Variants in PGK2 observed in about 807,000 individuals in gnomAD.
PGK2 encodes the protein phosphoglycerate kinase 2.
In PGK2, 5 loss-of-function variants were observed where a neutral mutation model predicts 5.2. The observed-to-expected ratio is 0.96, with a 90% CI of 0.50 to 2.01. PGK2 has a LOEUF of 2.01. Ranked by LOEUF, PGK2 falls within the 30% of genes most tolerant of loss-of-function variation. The pLI is 0.01. For missense variants in PGK2, 588 were observed against 506.8 expected, an observed-to-expected ratio of 1.16 and a Z score of -1.54; for synonymous variants, 210 against 182.6, an observed-to-expected ratio of 1.15 and a Z score of -1.21.
rs1483177595 is a variant in PGK2 at position 49,786,239 on chromosome 6, C to A, written c.949G>T (p.Gly317Cys). The change falls in exon 1 of 1, where the codon GGT becomes TGT. Residue 317 changes from glycine (G) to cysteine (C), a missense_variant. Transcript: ENST00000304801. The stretch of plus-strand genomic sequence containing the variant: ...GCATGATTCTTGTTGCTCTCAGGAC[C>A]ACAGTCCAAACCCATCCAGCCAGGA... ...ISPGWMGLDC[G>C]PESNKNHAQV... 1.9e-6 allele frequency: 3 copies of A among 1,614,162 alleles called. No homozygotes were observed. Among genetic ancestry groups the A allele is most frequent in the South Asian group, 2.2e-5 (2 of 91,072 alleles).
chr6:49,786,148 GCATCC>G lies in PGK2; in HGVS notation c.1035_1039del (p.Trp345CysfsTer4), dbSNP rs1769901311. On this transcript the variant is annotated frameshift_variant, in exon 1 of 1. Transcript: ENST00000304801. LOFTEE classifies it high-confidence loss of function. Reference sequence around the variant, plus strand: ...GAGGGCTTTGGTTCCCTTAGCAAAGGCATCCCATTCAAATACTCCTAACGGCCCAT... The same window carrying G: ...GAGGGCTTTGGTTCCCTTAGCAAAGGCATTCAAATACTCCTAACGGCCCAT... 6.2e-7 allele frequency: 1 copy of G among 1,613,874 alleles called. No individual in the cohort carries two copies. The highest frequency in any genetic ancestry group is 1.7e-5 in the Admixed American group (1 of 59,976).
chr6:49,787,285 T>C lies in PGK2; in HGVS notation c.-98A>G, dbSNP rs891862639. ...GGTCGGTGGTGACTTCTAACGCCTT[T>C]GCCCTTGTCCCGCCCCTTTCTTCTC... is the stretch of plus-strand genomic sequence containing the variant. On this transcript the variant is annotated 5_prime_UTR_variant, in exon 1 of 1. Coordinates refer to ENST00000304801, the MANE Select transcript of PGK2 (RefSeq NM_138733.5). The C allele has an allele frequency of 1.2e-4, 101 of 808,482 alleles. No individual in the cohort carries two copies. The Admixed American group carries it at 2.3e-3, about 19-fold the overall frequency. 50.1% of individuals were successfully genotyped at this position (808,482 alleles called of 1,614,324 possible).
chr6:49,787,218 T>A lies in PGK2; in HGVS notation c.-31A>T, dbSNP rs779290554. ...CAATATAAAGACATAGGCTGACACC[T>A]GGATCTTAATGCTGAAGAACCAACT... is the stretch of plus-strand genomic sequence containing the variant. On this transcript the variant is annotated 5_prime_UTR_variant, in exon 1 of 1. Coordinates refer to ENST00000304801, the MANE Select transcript of PGK2 (RefSeq NM_138733.5). 2.1e-5 allele frequency: 32 copies of A among 1,549,246 alleles called. No individual in the cohort carries two copies. The Middle Eastern group carries it at 8.7e-4, about 42-fold the overall frequency.
In PGK2 at chr6:49,785,898, A is replaced by C. The variant is rs1769896048; in HGVS notation, c.*36T>G. On this transcript the variant is annotated 3_prime_UTR_variant, in exon 1 of 1. Transcript: ENST00000304801. The stretch of plus-strand genomic sequence containing the variant: ...AAAGCATTAAGCTGACTTAAGGGCC[A>C]TGGACAGAAAACAGAAGGAAGTAAC... 6.4e-7 allele frequency: 1 copy of C among 1,562,808 alleles called. No individual in the cohort carries two copies. Among genetic ancestry groups the C allele is most frequent in the East Asian group, 2.2e-5 (1 of 44,554 alleles).
rs757119246 is a variant in PGK2, at chr6:49,785,992, C to G, written c.1196G>C (p.Ser399Thr). The change falls in exon 1 of 1, where the codon AGT becomes ACT. Residue 399 changes from serine to threonine, a missense_variant. Physicochemically the swap from Ser to Thr is moderately conservative, Grantham distance 58 (BLOSUM62 1). Transcript: ENST00000304801. ...GATTTTACCTTCCAGAAGCTCTAGA[C>G]TGGCACCGCCTCCAGTGCTGACATG... Reference protein sequence around the residue: ...VSHVSTGGGASLELLEGKILP... With the variant: ...VSHVSTGGGATLELLEGKILP... The G allele has an allele frequency of 1.2e-6, 2 of 1,614,134 alleles. No individual in the cohort carries two copies. Among genetic ancestry groups the G allele is most frequent in the Non-Finnish European group, 1.7e-6 (2 of 1,179,990 alleles).
Position 49,786,894 on chromosome 6 carries a change from G to A in PGK2, c.294C>T (p.Asp98=), listed in dbSNP as rs1468989798. 1.2e-6 allele frequency: 2 copies of A among 1,614,094 alleles called. No homozygotes were observed. Among genetic ancestry groups the A allele is most frequent in the Non-Finnish European group, 1.7e-6 (2 of 1,180,022 alleles). ...CTTTCTCCACTTCTGCGCCTACACA[G>A]TCCTTCAGGAACAGAACATCCTTGC... The part of the protein sequence containing the change: ...LLGKDVLFLK[D]CVGAEVEKAC... The change falls in exon 1 of 1, where the codon GAC becomes GAT. Residue 98 remains aspartate, a synonymous_variant. Transcript: ENST00000304801.
Position 49,785,862 on chromosome 6 carries a change from A to G in PGK2, c.*72T>C. On this transcript the variant is annotated 3_prime_UTR_variant, in exon 1 of 1. Coordinates refer to ENST00000304801, the MANE Select transcript of PGK2 (RefSeq NM_138733.5). ...AGGAGTAGATTTTAACAAAAGTCACATCGAGATGTAAAAGCATTAAGCTGA... is the reference window on the plus strand; with the variant it reads ...AGGAGTAGATTTTAACAAAAGTCACGTCGAGATGTAAAAGCATTAAGCTGA... The G allele has an allele frequency of 7.1e-6, 9 of 1,261,262 alleles. No individual in the cohort carries two copies. The highest frequency in any genetic ancestry group is 1.0e-5 in the Non-Finnish European group (9 of 889,112). 78.1% of individuals were successfully genotyped at this position (1,261,262 alleles called of 1,614,324 possible).
chr6:49,786,388 T>C lies in PGK2; in HGVS notation c.800A>G (p.Lys267Arg). 7.4e-6 allele frequency: 12 copies of C among 1,614,102 alleles called. No individual in the cohort carries two copies. Among genetic ancestry groups the C allele is most frequent in the Non-Finnish European group, 1.0e-5 (12 of 1,179,968 alleles). Residue 267 changes from lysine (K) to arginine (R), a missense_variant, in exon 1 of 1, where the codon AAA becomes AGA. Transcript: ENST00000304801. ...CTTTTGTGCTTTGGCCATGATATCTTTAACGATCTTGGCTCCCTCTTCATC... is the reference window on the plus strand; with the variant it reads ...CTTTTGTGCTTTGGCCATGATATCTCTAACGATCTTGGCTCCCTCTTCATC... The part of the protein sequence containing the change: ...LFDEEGAKIV[K>R]DIMAKAQKNG...
chr6:49,786,225 G>A lies in PGK2; in HGVS notation c.963C>T (p.Asn321=), dbSNP rs1362772298. The change falls in exon 1 of 1, where the codon AAC becomes AAT. Residue 321 remains asparagine (N), a synonymous_variant. Coordinates refer to ENST00000304801, the MANE Select transcript of PGK2 (RefSeq NM_138733.5). ...WMGLDCGPES[N]KNHAQVVAQA... ...GAGCCACAACTTGAGCATGATTCTT[G>A]TTGCTCTCAGGACCACAGTCCAAAC... The A allele has an allele frequency of 6.2e-7, 1 of 1,614,120 alleles. No homozygotes were observed. Among genetic ancestry groups the A allele is most frequent in the Admixed American group, 1.7e-5 (1 of 60,010 alleles).
At position 49,786,481 on chromosome 6, in the gene PGK2, A is replaced by G. The variant is rs1561922236; in HGVS notation, c.707T>C (p.Ile236Thr). 6.2e-7 allele frequency: 1 copy of G among 1,614,126 alleles called. No homozygotes were observed. The highest frequency in any genetic ancestry group is 8.5e-7 in the Non-Finnish European group (1 of 1,180,002). Residue 236 changes from isoleucine (I) to threonine (T), a missense_variant, in exon 1 of 1, where the codon ATT becomes ACT. Transcript: ENST00000304801. ...GAAGGTATAAGCCATTCCACCACCA[A>G]TAATCATCTCATTGACTTTGTCCAG... is the stretch of plus-strand genomic sequence containing the variant. ...NMLDKVNEMI[I>T]GGGMAYTFLK... is the part of the protein sequence containing the mutation.
Position 49,786,458 on chromosome 6 carries a change from A to AGG in PGK2, c.728_729dup (p.Phe244ProfsTer36), listed in dbSNP as rs751412752. On this transcript the variant is annotated frameshift_variant, in exon 1 of 1. Coordinates refer to ENST00000304801, the MANE Select transcript of PGK2 (RefSeq NM_138733.5). LOFTEE classifies it low-confidence loss of function (END_TRUNC). ...TCCATGTTGTTGAGTACCTTAAGGA[A>AGG]GGTATAAGCCATTCCACCACCAATA... The AGG allele has an allele frequency of 3.7e-6, 6 of 1,614,178 alleles. No homozygotes were observed. The highest frequency in any genetic ancestry group is 1.6e-4 in the Middle Eastern group (1 of 6,062).
Position 49,787,228 on chromosome 6 carries a change from T to C in PGK2, c.-41A>G. 6.6e-7 allele frequency: 1 copy of C among 1,505,286 alleles called. No homozygotes were observed. Among genetic ancestry groups the C allele is most frequent in the Non-Finnish European group, 9.1e-7 (1 of 1,096,474 alleles). The allele number at this position is 1,505,286 out of a possible 1,614,324, so 93.2% of individuals were successfully genotyped here. A position where few individuals can be genotyped will look rare whatever the true frequency, so the allele number is the denominator to read the frequency against. The stretch of plus-strand genomic sequence containing the variant: ...ACATAGGCTGACACCTGGATCTTAA[T>C]GCTGAAGAACCAACTTGCTGTTGAG... On this transcript the variant is annotated 5_prime_UTR_variant, in exon 1 of 1. Transcript: ENST00000304801.
rs756369568 is a variant in PGK2, at chr6:49,786,214, G to A, written c.974C>T (p.Ala325Val). ...DCGPESNKNH[A>V]QVVAQARLIV... ...TAGCCTTGCTTGAGCCACAACTTGA[G>A]CATGATTCTTGTTGCTCTCAGGACC... Residue 325 changes from alanine to valine, a missense_variant, in exon 1 of 1, where the codon GCT becomes GTT. Transcript: ENST00000304801. 3.1e-6 allele frequency: 5 copies of A among 1,614,128 alleles called. No homozygotes were observed. The highest frequency in any genetic ancestry group is 4.2e-6 in the Non-Finnish European group (5 of 1,180,026).
rs201510519 is a variant in PGK2 at position 49,786,350 on chromosome 6, T to C, written c.838A>G (p.Ile280Val). The C allele has an allele frequency of 2.5e-6, 4 of 1,614,146 alleles. No homozygotes were observed. In the East Asian group the frequency reaches 6.7e-5, roughly 27 times the overall value. ...GTAACAAAATCAACAGGAAAAGTAA[T>C]CCTTACACCATTCTTTTGTGCTTTG... is the stretch of plus-strand genomic sequence containing the variant. ...MAKAQKNGVR[I>V]TFPVDFVTGD... is the part of the protein sequence containing the mutation. The change falls in exon 1 of 1, where the codon ATT (isoleucine) becomes GTT (valine). Residue 280 changes from isoleucine (I) to valine (V), a missense_variant. Coordinates refer to ENST00000304801, the MANE Select transcript of PGK2 (RefSeq NM_138733.5).
At position 49,786,515 on chromosome 6, in the gene PGK2, T is replaced by C. The variant is rs1769910073; in HGVS notation, c.673A>G (p.Lys225Glu). The change falls in exon 1 of 1, where the codon AAA becomes GAA. Residue 225 changes from lysine to glutamate, a missense_variant. Physicochemically the swap from Lys to Glu is moderately conservative, Grantham distance 56 (BLOSUM62 1). Coordinates refer to ENST00000304801, the MANE Select transcript of PGK2 (RefSeq NM_138733.5). ...TCATTGACTTTGTCCAGCATATTTT[T>C]GATAAGTTGGATCTTGTCTGCCACT... ...AKVADKIQLI[K>E]NMLDKVNEMI... 4 of 1,614,154 alleles carry C rather than the reference T, an allele frequency of 2.5e-6. No individual in the cohort carries two copies. Among genetic ancestry groups the C allele is most frequent in the Non-Finnish European group, 3.4e-6 (4 of 1,180,008 alleles).
In PGK2 at chr6:49,785,977, T is replaced by C; in HGVS notation, c.1211A>G (p.Glu404Gly). The change falls in exon 1 of 1, where the codon GAA becomes GGA. Residue 404 changes from glutamate (E) to glycine (G), a missense_variant. Physicochemically the swap from Glu to Gly is moderately conservative, Grantham distance 98. Transcript: ENST00000304801. ...CTCTACTCCAGGAAGGATTTTACCT[T>C]CCAGAAGCTCTAGACTGGCACCGCC... is the stretch of plus-strand genomic sequence containing the variant. The part of the protein sequence containing the change: ...TGGGASLELL[E>G]GKILPGVEAL... 3 of 1,614,100 alleles carry C rather than the reference T, an allele frequency of 1.9e-6. No homozygotes were observed. The highest frequency in any genetic ancestry group is 2.5e-6 in the Non-Finnish European group (3 of 1,179,984).
At position 49,787,084 on chromosome 6, in the gene PGK2, G is replaced by A. The variant is rs539769229; in HGVS notation, c.104C>T (p.Thr35Ile). The A allele has an allele frequency of 2.4e-5, 39 of 1,614,010 alleles. 1 individual carries two copies. The South Asian group carries it at 4.1e-4, about 17-fold the overall frequency. Residue 35 changes from threonine to isoleucine, a missense_variant, in exon 1 of 1, where the codon ACA becomes ATA. Thr to Ile is a moderately conservative substitution (Grantham distance 89). Transcript: ENST00000304801. ...GGAAGCCTTGATCCTCTGGTTGTTT[G>A]TAATCTGGTTCTTCTTCATGGGAAC... is the stretch of plus-strand genomic sequence containing the variant. ...FNVPMKKNQI[T>I]NNQRIKASIP...
chr6:49,786,849 A>G lies in PGK2; in HGVS notation c.339T>C (p.Pro113=). The G allele has an allele frequency of 6.2e-7, 1 of 1,614,172 alleles. No homozygotes were observed. The highest frequency in any genetic ancestry group is 8.5e-7 in the Non-Finnish European group (1 of 1,180,014). The change falls in exon 1 of 1, where the codon CCT becomes CCC. Residue 113 remains proline, a synonymous_variant. Transcript: ENST00000304801. Reference sequence around the variant, plus strand: ...GGTTCTCCAGCAGGATGACTGAACCAGGAGCTGGGTTGGCACAGGCTTTCT... The same window carrying G: ...GGTTCTCCAGCAGGATGACTGAACCGGGAGCTGGGTTGGCACAGGCTTTCT... The part of the protein sequence containing the change: ...EVEKACANPA[P]GSVILLENLR...
chr6:49,786,378 C>A lies in PGK2; in HGVS notation c.810G>T (p.Met270Ile). 1 of 1,614,108 alleles carries A rather than the reference C, an allele frequency of 6.2e-7. No homozygotes were observed. Among genetic ancestry groups the A allele is most frequent in the Non-Finnish European group, 8.5e-7 (1 of 1,180,002 alleles). ...EEGAKIVKDI[M>I]AKAQKNGVRI... ...TTACACCATTCTTTTGTGCTTTGGC[C>A]ATGATATCTTTAACGATCTTGGCTC... Residue 270 changes from methionine to isoleucine, a missense_variant, in exon 1 of 1, where the codon ATG (methionine) becomes ATT (isoleucine). Coordinates refer to ENST00000304801, the MANE Select transcript of PGK2 (RefSeq NM_138733.5).
Sources: gnomAD v4.1 joint callset for allele counts on GRCh38, gnomAD v4.1.1 for gene constraint, MANE v1.5 for transcripts, NCBI Gene and HGNC (gene_info 2026-07-23, HGNC 2026-07-21) for gene names.